Variants in ITPR2 observed in about 807,000 individuals in gnomAD.
The protein encoded by ITPR2 is inositol 1,4,5-trisphosphate-gated calcium channel ITPR2.
Under a neutral mutation model 317.1 loss-of-function variants are expected in ITPR2, and 207 were observed. The observed-to-expected ratio is 0.65, with a 90% CI of 0.58 to 0.73. ITPR2 has a LOEUF of 0.73. ITPR2 is among the 30% of genes least tolerant of loss of function. ITPR2 has a pLI of 0.00. For missense variants in ITPR2, 2,613 were observed against 3,284.0 expected (o/e 0.80, Z 4.99); for synonymous variants, 1,156 against 1,149.1 (o/e 1.01, Z -0.12).
chr12:26,636,143 T>C (rs1189037528), intron 21 of ITPR2, among the ~76,000 whole-genome samples: 1 of 152,220 alleles, frequency 6.6e-6, no homozygotes. Flanking sequence ...TAACTTTGCC[T>C]TGTGTTCTTG....
intron 39 of ITPR2, among the ~76,000 whole-genome samples, chr12:26,488,401 A>G (rs990024453): frequency 3.9e-5 from 6 of 152,250 alleles, no homozygotes; most frequent in Non-Finnish European, 7.4e-5. Context: ...GAATTCCTGG[A>G]AACATGACCC....
At chr12:26,722,145 T>C (rs1948849635) in intron 5 of ITPR2, among the ~76,000 whole-genome samples, 2 of 152,230 alleles carry the variant, frequency 1.3e-5, no homozygotes, top group Non-Finnish European at 1.5e-5. Flanking sequence ...TCTCAGCCAA[T>C]ATTAAGGTTG....
At chr12:26,733,144 T>C (rs1949053155) in intron 2 of ITPR2, among the ~76,000 whole-genome samples, 2 of 150,994 alleles carry the variant, frequency 1.3e-5, no homozygotes, top group Admixed American at 6.6e-5. Flanking sequence ...CAAAACCCCA[T>C]CTCTACTAAA....
intron 49 of ITPR2, chr12:26,419,734 G>A (rs1940831437): frequency 6.6e-6 from 1 of 152,004 alleles, no homozygotes; most frequent in Admixed American, 6.6e-5. Context: ...TATGTAAAAT[G>A]TTTTTATTAT....
At chr12:26,668,579 G>T (rs190499664) in intron 13 of ITPR2, among the ~76,000 whole-genome samples, 1 of 152,278 alleles carries the variant, frequency 6.6e-6, no homozygotes, top group African/African-American at 2.4e-5. Flanking sequence ...AGAAAATCAT[G>T]CATAGTAAAA....
chr12:26,520,120 A>C (rs556260918), intron 37 of ITPR2, among the ~76,000 whole-genome samples: 1 of 152,346 alleles, frequency 6.6e-6, no homozygotes, highest in African/African-American at 2.4e-5. Flanking sequence ...TAAATGTAAA[A>C]TAACTTTTAA....
intron 36 of ITPR2, among the ~76,000 whole-genome samples, chr12:26,554,132 A>G (rs930708052): frequency 3.3e-5 from 5 of 152,206 alleles, no homozygotes; most frequent in Admixed American, 1.3e-4. Context: ...GCTTGATATC[A>G]TGAGTTACTT....
At chr12:26,680,915 G>C (rs192843044) in intron 13 of ITPR2, among the ~76,000 whole-genome samples, 1 of 152,250 alleles carries the variant, frequency 6.6e-6, no homozygotes. Context: ...GGTGAGTCAC[G>C]GGGTGTTTGC....
intron 2 of ITPR2, among the ~76,000 whole-genome samples, chr12:26,775,959 T>TATATATA (rs1263788006): frequency 2.2e-4 from 32 of 145,020 alleles, no homozygotes; most frequent in Middle Eastern, 3.6e-3. Context: ...TATATGTATA[T>TATATATA]CCTATTAGTT....
In ITPR2 at chr12:26,779,030, G is replaced by C. The variant is rs542402153; in HGVS notation, c.163+11127C>G. ...CATTTATTGAGTGACCCGAAAAGCT[G>C]CCAGTTTTGAGGGGGTCCAGAACAG... On this transcript the variant is annotated intron_variant, in intron 2 of 56. Coordinates refer to ENST00000381340, the MANE Select transcript of ITPR2 (RefSeq NM_002223.4). Among the ~76,000 whole-genome samples the C allele has an allele frequency of 3.3e-5, 5 of 152,310 alleles. No homozygotes were observed. In the South Asian group the frequency reaches 1.0e-3, roughly 32 times the overall value.
At chr12:26,568,006 TTATATA>T (rs71069253) in intron 34 of ITPR2, among the ~76,000 whole-genome samples, 7 of 7,512 alleles carry the variant, frequency 9.3e-4, no homozygotes, top group Non-Finnish European at 2.4e-3. Flanking sequence ...ATTATATATA[TTATATA>T]TATATATATA....
At chr12:26,626,109 G>A (rs1209810380) in intron 23 of ITPR2, among the ~76,000 whole-genome samples, 1 of 152,024 alleles carries the variant, frequency 6.6e-6, no homozygotes, top group Non-Finnish European at 1.5e-5. Flanking sequence ...CCAAAGGCAC[G>A]CGCCTCCACT....
At chr12:26,749,070 C>T (rs1194500487) in intron 2 of ITPR2, among the ~76,000 whole-genome samples, 1 of 152,068 alleles carries the variant, frequency 6.6e-6, no homozygotes, top group Non-Finnish European at 1.5e-5. Flanking sequence ...ATCAGGTATA[C>T]TCAAATACCT....
At chr12:26,523,316 T>A (rs1943715160) in intron 37 of ITPR2, among the ~76,000 whole-genome samples, 1 of 152,232 alleles carries the variant, frequency 6.6e-6, no homozygotes, top group Non-Finnish European at 1.5e-5. Context: ...AAAAAATTAA[T>A]TTGTTCAACA....
chr12:26,637,835 C>A (rs561263581), intron 21 of ITPR2, among the ~76,000 whole-genome samples: 1 of 152,264 alleles, frequency 6.6e-6, no homozygotes, highest in South Asian at 2.1e-4. Context: ...ATGGAGATGT[C>A]CTTCAGAAGA....
At chr12:26,490,025 G>A (rs763373346) in intron 39 of ITPR2, among the ~76,000 whole-genome samples, 3 of 152,192 alleles carry the variant, frequency 2.0e-5, no homozygotes, top group Admixed American at 6.5e-5. Context: ...TGAGACATCC[G>A]AGTAGAGGAA....
At chr12:26,808,491 T>A (rs1005457611) in intron 1 of ITPR2, among the ~76,000 whole-genome samples, 1 of 152,212 alleles carries the variant, frequency 6.6e-6, no homozygotes, top group Admixed American at 6.5e-5. Context: ...AACCACGCAC[T>A]GTTCTAGGCA....
chr12:26,751,844 C>A (rs1253537067), intron 2 of ITPR2, among the ~76,000 whole-genome samples: 1 of 150,222 alleles, frequency 6.7e-6, no homozygotes, highest in South Asian at 2.1e-4. Context: ...CCAGCCTGGG[C>A]GACAGAGCAA....
At chr12:26,781,281 C>T (rs1392154936) in intron 2 of ITPR2, among the ~76,000 whole-genome samples, 3 of 152,150 alleles carry the variant, frequency 2.0e-5, no homozygotes, top group Non-Finnish European at 2.9e-5. Context: ...CAGCTATGAC[C>T]AGATGATCAG....
Sources: gnomAD v4.1 joint callset for allele counts (sites outside exome capture counted in the v4.1 genomes callset) on GRCh38, gnomAD v4.1.1 for gene constraint, MANE v1.5 for transcripts, NCBI Gene and HGNC (gene_info 2026-07-23, HGNC 2026-07-21) for gene names.